Variants in TXNRD1 observed in about 807,000 individuals in gnomAD.
The protein encoded by TXNRD1 is thioredoxin reductase 1, cytoplasmic.
TXNRD1 carries 57 observed loss-of-function variants against 80.3 expected under a neutral mutation model. The observed-to-expected ratio is 0.71, with a 90% confidence interval of 0.57 to 0.89. The LOEUF (loss-of-function observed/expected upper bound fraction) is 0.89. Ranked by LOEUF, TXNRD1 falls within the 40% of genes least tolerant of loss-of-function variation. The pLI, the probability that TXNRD1 is intolerant of heterozygous loss-of-function variation, is 0.00. For missense variants in TXNRD1, 730 were observed against 803.0 expected, an observed-to-expected ratio of 0.91 and a Z score of 1.10; for synonymous variants, 291 against 285.2, an observed-to-expected ratio of 1.02 and a Z score of -0.20.
Position 104,338,492 on chromosome 12 carries a change from C to T in TXNRD1, c.1747-647C>T, listed in dbSNP as rs1053321440. On this transcript the variant is annotated intron_variant, in intron 15 of 16. Coordinates refer to ENST00000525566, the MANE Select transcript of TXNRD1 (RefSeq NM_001093771.3). ...CGTGGATCACCTGAGATCAGGCATT[C>T]GAGACCAGCCTGGCCAACATGGCGA... Among the ~76,000 whole-genome samples the T allele has an allele frequency of 1.1e-4, 16 of 151,294 alleles. 1 individual carries two copies. Among genetic ancestry groups the T allele is most frequent in the Admixed American group, 5.9e-4 (9 of 15,208 alleles).
At chr12:104,264,290 G>A (rs931009444) in intron 3 of TXNRD1, among the ~76,000 whole-genome samples, 1 of 152,176 alleles carries the variant, frequency 6.6e-6, no homozygotes, top group Non-Finnish European at 1.5e-5. Context: ...AAGGTAGTGG[G>A]TAAGACATTT....
intron 1 of TXNRD1, among the ~76,000 whole-genome samples, chr12:104,246,216 A>G (rs2032990236): frequency 6.7e-6 from 1 of 149,618 alleles, no homozygotes; most frequent in African/African-American, 2.5e-5. Flanking sequence ...TCATGAGGTC[A>G]GGAGATCGAG....
At chr12:104,246,524 TG>T (rs1197532172) in intron 1 of TXNRD1, among the ~76,000 whole-genome samples, 12 of 73,070 alleles carry the variant, frequency 1.6e-4, no homozygotes, top group Non-Finnish European at 2.2e-4. Context: ...TGCTTTGTGA[TG>T]GTTTTTTTTT....
At chr12:104,268,763 C>T (rs899996975) in intron 3 of TXNRD1, among the ~76,000 whole-genome samples, 2 of 151,808 alleles carry the variant, frequency 1.3e-5, no homozygotes, top group East Asian at 2.0e-4. Flanking sequence ...GTAATCCACC[C>T]GCCTTGGCCT....
intron 1 of TXNRD1, among the ~76,000 whole-genome samples, chr12:104,217,679 C>A (rs1593673073): frequency 1.3e-5 from 2 of 152,126 alleles, no homozygotes; most frequent in East Asian, 3.8e-4. Flanking sequence ...TGAAGCAGAT[C>A]CCCTGAACTT....
chr12:104,318,974 G>A lies in TXNRD1; in HGVS notation c.792G>A (p.Trp264Ter), dbSNP rs1452201104. Residue 264 changes from tryptophan to a stop codon, truncating the protein, a stop_gained, in exon 8 of 17, where the codon TGG becomes TGA. Transcript: ENST00000525566. LOFTEE classifies it high-confidence loss of function. Reference protein sequence around the residue: ...AVQNHIGSLNWGYRVALREKK... With the variant: ...AVQNHIGSLN Reference sequence around the variant, plus strand: ...AGAATCACATTGGCTCTTTGAATTGGGGCTACCGAGTAGCTCTGCGGGAGA... The same window carrying A: ...AGAATCACATTGGCTCTTTGAATTGAGGCTACCGAGTAGCTCTGCGGGAGA... The A allele has an allele frequency of 3.1e-6, 5 of 1,613,924 alleles. No homozygotes were observed. Among genetic ancestry groups the A allele is most frequent in the Admixed American group, 1.7e-5 (1 of 60,010 alleles).
In TXNRD1 at chr12:104,288,981, G is replaced by C; in HGVS notation, c.355G>C (p.Asp119His). 3 of 1,614,004 alleles carry C rather than the reference G, an allele frequency of 1.9e-6. No homozygotes were observed. The highest frequency in any genetic ancestry group is 2.5e-6 in the Non-Finnish European group (3 of 1,179,884). Residue 119 changes from aspartate (D) to histidine (H), a missense_variant, in exon 4 of 17, where the codon GAT becomes CAT. Transcript: ENST00000525566. Reference sequence around the variant, plus strand: ...GCTCTCGGAATTGGCCGCGGAAACCGATCTGCCCGTTGTGTTTGTGAAACA... The same window carrying C: ...GCTCTCGGAATTGGCCGCGGAAACCCATCTGCCCGTTGTGTTTGTGAAACA... ...GTLSELAAET[D>H]LPVVFVKQRK... is the part of the protein sequence containing the mutation.
intron 3 of TXNRD1, among the ~76,000 whole-genome samples, chr12:104,270,914 C>T (rs1303279882): frequency 2.0e-5 from 3 of 151,914 alleles, no homozygotes; most frequent in Admixed American, 6.6e-5. Flanking sequence ...TTTGGGAGGC[C>T]GAGGGGGGTG....
intron 3 of TXNRD1, chr12:104,258,385 G>A: frequency 4.4e-6 from 1 of 229,650 alleles, no homozygotes; most frequent in South Asian, 1.3e-4. Flanking sequence ...CTTTACTTTT[G>A]CAAATTTGTC....
At chr12:104,294,415 T>G (rs2034366329) in intron 4 of TXNRD1, among the ~76,000 whole-genome samples, 1 of 152,064 alleles carries the variant, frequency 6.6e-6, no homozygotes, top group Non-Finnish European at 1.5e-5. Flanking sequence ...GCTCGCACTC[T>G]TGTCTTCTGG....
intron 4 of TXNRD1, among the ~76,000 whole-genome samples, chr12:104,302,730 C>G (rs2034688776): frequency 6.6e-6 from 1 of 151,492 alleles, no homozygotes; most frequent in Admixed American, 6.6e-5. Context: ...ACCTCGTGAT[C>G]CGCCCGCCTC....
At chr12:104,229,562 C>CATTTT (rs201478909) in intron 1 of TXNRD1, among the ~76,000 whole-genome samples, 8,046 of 141,926 alleles carry the variant, frequency 0.057, 292 homozygotes, top group East Asian at 0.13. Context: ...GAATATACAA[C>CATTTT]ATTTTATTTT....
chr12:104,289,857 C>T (rs985685965), intron 4 of TXNRD1, among the ~76,000 whole-genome samples: 11 of 152,068 alleles, frequency 7.2e-5, no homozygotes, highest in Non-Finnish European at 1.5e-4. Context: ...CTCAGCCTCC[C>T]GAGTAGCTGA....
At position 104,314,726 on chromosome 12, in the gene TXNRD1, C is replaced by A. The variant is rs34030325; in HGVS notation, c.611-1051C>A. 3.2e-3 allele frequency among the ~76,000 whole-genome samples: 483 copies of A among 148,812 alleles called. 5 individuals are homozygous for A. Among genetic ancestry groups the A allele is most frequent in the African/African-American group, 0.012 (476 of 40,248 alleles). ...TCCTTAAAAAAATGCACATATACAC[C>A]AAAATTTTTTTCTTTTTTTTTTTTT... On this transcript the variant is annotated intron_variant, in intron 6 of 16. Coordinates refer to ENST00000525566, the MANE Select transcript of TXNRD1 (RefSeq NM_001093771.3).
At chr12:104,304,199 G>C in intron 4 of TXNRD1, 2 of 1,614,062 alleles carry the variant, frequency 1.2e-6, no homozygotes, top group South Asian at 2.2e-5. Flanking sequence ...AGCAGCCCTC[G>C]ACGCCCGGTT....
intron 3 of TXNRD1, chr12:104,287,482 G>C: frequency 1.2e-6 from 2 of 1,608,398 alleles, no homozygotes; most frequent in Non-Finnish European, 1.7e-6. Context: ...AGATGACAAT[G>C]TGTTGAGTGG....
At chr12:104,254,644 A>AAAAAAAAAAAAAAAATATATATAT in intron 2 of TXNRD1, among the ~76,000 whole-genome samples, 12 of 93,636 alleles carry the variant, frequency 1.3e-4, no homozygotes, top group African/African-American at 3.6e-4. Context: ...AAAAAAAAAA[A>AAAAAAAAAAAAAAAATATATATAT]ATATATATAT....
chr12:104,317,224 G>C lies in TXNRD1; in HGVS notation c.730+1328G>C, dbSNP rs34690387. ...ATACTATTCTATTCCACTCCTAGCA[G>C]AGAAACAGCAAGTCCTGAGCCTTTT... On this transcript the variant is annotated intron_variant, in intron 7 of 16. Transcript: ENST00000525566. 5.3e-4 allele frequency among the ~76,000 whole-genome samples: 81 copies of C among 152,302 alleles called. 2 individuals are homozygous for C. The East Asian group carries it at 0.015, about 28-fold the overall frequency.
At chr12:104,336,733 T>C (rs1325695782) in intron 15 of TXNRD1, among the ~76,000 whole-genome samples, 4 of 152,240 alleles carry the variant, frequency 2.6e-5, no homozygotes, top group Non-Finnish European at 5.9e-5. Flanking sequence ...ACTTACTGTG[T>C]ACCAGGCACT....
Sources: gnomAD v4.1 joint callset for allele counts (sites outside exome capture counted in the v4.1 genomes callset) on GRCh38, gnomAD v4.1.1 for gene constraint, MANE v1.5 for transcripts, NCBI Gene and HGNC (gene_info 2026-07-23, HGNC 2026-07-21) for gene names.